DLGAP4: variants seen among roughly 807,000 people sequenced by gnomAD.
The protein encoded by DLGAP4 is DLG associated protein 4.
Under a neutral mutation model 86.9 loss-of-function variants are expected in DLGAP4, and 18 were observed. That is an observed-to-expected ratio of 0.21 (90% CI 0.14 to 0.31). The LOEUF (loss-of-function observed/expected upper bound fraction) is 0.31, where lower values mean the gene tolerates loss of function less well. Ranked by LOEUF, DLGAP4 falls within the 10% of genes least tolerant of loss-of-function variation. The pLI is 1.00. For synonymous variants in DLGAP4, 548 were observed against 574.3 expected (o/e 0.95, Z 0.65); for missense variants, 1,085 against 1,362.6 (o/e 0.80, Z 3.21).
At chr20:36,391,265 C>T (rs2031775812) in intron 2 of DLGAP4, among the ~76,000 whole-genome samples, 1 of 152,200 alleles carries the variant, frequency 6.6e-6, no homozygotes, top group Non-Finnish European at 1.5e-5. Flanking sequence ...TCTGCAACCC[C>T]AAACAGGCTG....
intron 7 of DLGAP4, chr20:36,461,742 C>CGTCT (rs2034077599): frequency 1.1e-6 from 1 of 909,064 alleles, no homozygotes; most frequent in Non-Finnish European, 1.3e-6. Flanking sequence ...TCCGTCCGTC[C>CGTCT]GTCCGTCCGC....
chr20:36,413,686 T>G (rs567867109), intron 2 of DLGAP4, among the ~76,000 whole-genome samples: 7 of 152,132 alleles, frequency 4.6e-5, no homozygotes, highest in Admixed American at 4.6e-4. Flanking sequence ...CCCAAAATGC[T>G]GGAATTACAG....
intron 1 of DLGAP4, among the ~76,000 whole-genome samples, chr20:36,311,453 T>C (rs1364941850): frequency 1.3e-5 from 2 of 152,286 alleles, no homozygotes; most frequent in Non-Finnish European, 2.9e-5. Flanking sequence ...CACATTTTGT[T>C]TGGAGAATTT....
chr20:36,315,415 A>G, intron 1 of DLGAP4, among the ~76,000 whole-genome samples: 1 of 145,910 alleles, frequency 6.9e-6, no homozygotes, highest in South Asian at 2.2e-4. Context: ...GGAGCTTGGG[A>G]TGAGGAACAG....
chr20:36,408,602 C>A (rs566299571), intron 2 of DLGAP4, among the ~76,000 whole-genome samples: 5 of 152,348 alleles, frequency 3.3e-5, no homozygotes, highest in African/African-American at 7.2e-5. Flanking sequence ...GCTGGGGGAA[C>A]CCTCAGAGTA....
At chr20:36,504,638 C>T (rs1412179600) in intron 10 of DLGAP4, among the ~76,000 whole-genome samples, 2 of 152,182 alleles carry the variant, frequency 1.3e-5, no homozygotes, top group African/African-American at 2.4e-5. Flanking sequence ...CCAGTTTCTC[C>T]ACATCTTCAC....
At chr20:36,414,215 G>A (rs1025169595) in intron 2 of DLGAP4, among the ~76,000 whole-genome samples, 1 of 152,156 alleles carries the variant, frequency 6.6e-6, no homozygotes, top group African/African-American at 2.4e-5. Context: ...AACAAACCCT[G>A]CTTGAAAACA....
chr20:36,336,783 G>A (rs2065326706), intron 1 of DLGAP4, among the ~76,000 whole-genome samples: 1 of 152,132 alleles, frequency 6.6e-6, no homozygotes, highest in Non-Finnish European at 1.5e-5. Flanking sequence ...ACCCTTGACT[G>A]TGGCCTTGCA....
intron 1 of DLGAP4, among the ~76,000 whole-genome samples, chr20:36,343,178 C>T (rs1173587972): frequency 3.3e-5 from 5 of 152,188 alleles, no homozygotes; most frequent in Non-Finnish European, 5.9e-5. Context: ...ACCCCTCTGG[C>T]CTCTGTGAAA....
intron 1 of DLGAP4, among the ~76,000 whole-genome samples, chr20:36,337,115 C>T (rs1280603522): frequency 2.0e-5 from 3 of 152,152 alleles, no homozygotes; most frequent in African/African-American, 7.2e-5. Context: ...CAAACTCATT[C>T]TGCGCATCAG....
intron 2 of DLGAP4, among the ~76,000 whole-genome samples, chr20:36,426,724 T>A (rs1031374913): frequency 6.6e-6 from 1 of 152,168 alleles, no homozygotes; most frequent in African/African-American, 2.4e-5. Flanking sequence ...TGGCAAATTT[T>A]ATGTTACATG....
At chr20:36,504,989 T>C (rs1241224278) in intron 10 of DLGAP4, among the ~76,000 whole-genome samples, 6 of 151,448 alleles carry the variant, frequency 4.0e-5, no homozygotes, top group African/African-American at 1.5e-4. Flanking sequence ...GCACACAGGT[T>C]CTTTTTTTTT....
Position 36,430,470 on chromosome 20 carries a change from GTAC to G in DLGAP4, c.-72-1174_-72-1172del, listed in dbSNP as rs201042441. 6.9e-3 allele frequency among the ~76,000 whole-genome samples: 1,057 copies of G among 152,164 alleles called. 9 individuals carry two copies. The highest frequency in any genetic ancestry group is 0.023 in the African/African-American group (968 of 41,520). ...AATTCCTCTGTTAAACAATTGGACG[GTAC>G]TGCCCTCAGACCTGGATGAGATGGG... On this transcript the variant is annotated intron_variant, in intron 2 of 12. Transcript: ENST00000339266.
chr20:36,436,151 C>G lies in DLGAP4; in HGVS notation c.1042C>G (p.Pro348Ala). 1.9e-6 allele frequency: 3 copies of G among 1,594,754 alleles called. No individual in the cohort carries two copies. The highest frequency in any genetic ancestry group is 2.5e-6 in the Non-Finnish European group (3 of 1,176,740). The change falls in exon 4 of 13, where the codon CCA becomes GCA. Residue 348 changes from proline to alanine, a missense_variant. By Grantham distance (27) the Pro-to-Ala change is conservative. This residue lies in a region of DLGAP4 where 1,082 missense variants were observed against 1,344.1 expected (regional missense o/e 0.81). Coordinates refer to ENST00000339266, the MANE Select transcript of DLGAP4 (RefSeq NM_001365621.2). ...GGEWSTTLLS[P>A]RETDAAAEGP... ...CGAGTGGAGCACCACGCTGCTGTCC[C>G]CACGCGAGACGGATGCCGCGGCCGA...
intron 7 of DLGAP4, among the ~76,000 whole-genome samples, chr20:36,456,774 G>A (rs2033888915): frequency 3.9e-5 from 6 of 152,202 alleles, no homozygotes; most frequent in Admixed American, 3.9e-4. Flanking sequence ...AAGGACTGGT[G>A]GGCAGGCCTC....
At chr20:36,336,923 C>T (rs1229008898) in intron 1 of DLGAP4, among the ~76,000 whole-genome samples, 1 of 152,246 alleles carries the variant, frequency 6.6e-6, no homozygotes, top group Admixed American at 6.5e-5. Context: ...CCCAGTCTCC[C>T]ATCTCAGCCC....
At chr20:36,307,315 G>T (rs1488136527) in intron 1 of DLGAP4, among the ~76,000 whole-genome samples, 1 of 152,202 alleles carries the variant, frequency 6.6e-6, no homozygotes, top group Non-Finnish European at 1.5e-5. Flanking sequence ...GTCCAGATGT[G>T]CTGGGCCTGC....
chr20:36,370,564 C>T (rs1569475396), intron 2 of DLGAP4, among the ~76,000 whole-genome samples: 1 of 152,122 alleles, frequency 6.6e-6, no homozygotes, highest in Non-Finnish European at 1.5e-5. Context: ...ATACTCAGGT[C>T]TCATTTAAAG....
intron 1 of DLGAP4, among the ~76,000 whole-genome samples, chr20:36,322,168 GC>G (rs2065174820): frequency 6.6e-6 from 1 of 152,066 alleles, no homozygotes; most frequent in Non-Finnish European, 1.5e-5. Flanking sequence ...AGGAGAAGTT[GC>G]CCCAGCAAAG....
Sources: allele counts gnomAD v4.1 joint callset (sites outside exome capture counted in the v4.1 genomes callset), GRCh38; gene constraint gnomAD v4.1.1; regional missense constraint gnomAD v4.1.1; transcripts MANE v1.5; gene names NCBI Gene and HGNC (gene_info 2026-07-23, HGNC 2026-07-21).